Variants in ARHGAP42 observed in about 807,000 individuals in gnomAD.
ARHGAP42 encodes the protein Rho GTPase activating protein 42, also known as rho GTPase-activating protein 42.
A neutral mutation model predicts 125.0 loss-of-function variants in ARHGAP42; 63 were observed. The observed-to-expected ratio is 0.50, with a 90% CI of 0.41 to 0.62. ARHGAP42 has a LOEUF of 0.62. ARHGAP42 is among the 20% of genes least tolerant of loss of function. The probability of loss-of-function intolerance (pLI) is 0.00; values close to 1 mark genes in which losing one functional copy is unlikely to be tolerated. For missense variants in ARHGAP42, 766 were observed against 1,024.2 expected (o/e 0.75, Z 3.44); for synonymous variants, 339 against 351.0 (o/e 0.97, Z 0.38).
intron 4 of ARHGAP42, among the ~76,000 whole-genome samples, chr11:100,912,648 A>G (rs978718089): frequency 1.3e-5 from 2 of 152,178 alleles, no homozygotes; most frequent in South Asian, 2.1e-4. Flanking sequence ...AGAAGATTAT[A>G]TGCCCAGGAA....
intron 1 of ARHGAP42, among the ~76,000 whole-genome samples, chr11:100,726,630 A>T (rs1861866498): frequency 6.6e-6 from 1 of 152,234 alleles, no homozygotes; most frequent in Admixed American, 6.5e-5. Context: ...TGCAAAAGAA[A>T]GTCATGTTAT....
At chr11:100,817,681 C>T (rs1276083462) in intron 3 of ARHGAP42, among the ~76,000 whole-genome samples, 1 of 152,198 alleles carries the variant, frequency 6.6e-6, no homozygotes, top group Non-Finnish European at 1.5e-5. Context: ...TGAATGCTCT[C>T]ATTTAATCCT....
intron 1 of ARHGAP42, among the ~76,000 whole-genome samples, chr11:100,761,267 T>TAA (rs147519830): frequency 0.015 from 2,221 of 152,184 alleles, 31 homozygotes; most frequent in Non-Finnish European, 0.019. Context: ...AGTATTGAGG[T>TAA]AAAACATGGT....
chr11:100,960,090 T>G (rs755102756), intron 13 of ARHGAP42, 145 bp downstream of exon 13: 85 of 698,470 alleles, frequency 1.2e-4, no homozygotes, highest in East Asian at 3.4e-4. Flanking sequence ...TGTATCGGTA[T>G]ACAAATAGCT....
At chr11:100,746,688 G>A (rs992499621) in intron 1 of ARHGAP42, among the ~76,000 whole-genome samples, 3 of 152,324 alleles carry the variant, frequency 2.0e-5, no homozygotes, top group African/African-American at 4.8e-5. Context: ...AGGAGGTGGA[G>A]GAGGCAGAAC....
chr11:100,875,214 TTTTA>T (rs1865792923), intron 4 of ARHGAP42, among the ~76,000 whole-genome samples: 1 of 151,932 alleles, frequency 6.6e-6, no homozygotes, highest in Non-Finnish European at 1.5e-5. Context: ...CACTTTGATT[TTTTA>T]TTTATTTTAT....
intron 5 of ARHGAP42, among the ~76,000 whole-genome samples, chr11:100,921,169 G>A (rs1189765977): frequency 2.4e-5 from 3 of 124,282 alleles, no homozygotes; most frequent in Non-Finnish European, 4.9e-5. Context: ...ATGATCCAGT[G>A]ATTTTTCATT....
chr11:100,968,963 T>C (rs1488388934), intron 17 of ARHGAP42, among the ~76,000 whole-genome samples: 2 of 152,126 alleles, frequency 1.3e-5, no homozygotes, highest in Non-Finnish European at 2.9e-5. Flanking sequence ...TGTTTGTTTT[T>C]ACATGTGCAT....
chr11:100,968,443 G>A (rs957925926), intron 17 of ARHGAP42, among the ~76,000 whole-genome samples: 1 of 152,120 alleles, frequency 6.6e-6, no homozygotes, highest in Middle Eastern at 3.4e-3. Flanking sequence ...TTATCAGAAT[G>A]TACTTAACTT....
intron 2 of ARHGAP42, among the ~76,000 whole-genome samples, chr11:100,792,752 CTT>C (rs3063409): frequency 2.8e-5 from 4 of 141,546 alleles, no homozygotes; most frequent in African/African-American, 2.7e-5. Context: ...TTGGAATTTT[CTT>C]TTTTTTTTTT....
intron 2 of ARHGAP42, among the ~76,000 whole-genome samples, chr11:100,781,551 G>A (rs1591177167): frequency 1.3e-5 from 2 of 152,174 alleles, no homozygotes; most frequent in South Asian, 4.1e-4. Context: ...ACCAAGCACC[G>A]AGAATTTGTC....
rs1441351781 is a variant in ARHGAP42, at chr11:100,687,337, GTC to G, written c.-340_-339del. On this transcript the variant is annotated 5_prime_UTR_variant, in exon 1 of 24. Coordinates refer to ENST00000298815, the MANE Select transcript of ARHGAP42 (RefSeq NM_152432.4). ...GTTGGGGAGTGGAACTGCCGGAAGT[GTC>G]TGCGCGCCGTGAGAGAAACTTTCCT... is the stretch of plus-strand genomic sequence containing the variant. Among the ~76,000 whole-genome samples the G allele has an allele frequency of 1.3e-5, 2 of 152,106 alleles. No individual in the cohort carries two copies. The highest frequency in any genetic ancestry group is 4.8e-5 in the African/African-American group (2 of 41,442).
rs768411620 is a variant in ARHGAP42, at chr11:100,784,739, CT to C, written c.251-10365del. Among the ~76,000 whole-genome samples, 81 of 152,086 alleles carry C rather than the reference CT, an allele frequency of 5.3e-4. 1 individual carries two copies. The highest frequency in any genetic ancestry group is 4.2e-4 in the South Asian group (2 of 4,800). On this transcript the variant is annotated intron_variant, in intron 2 of 23. Coordinates refer to ENST00000298815, the MANE Select transcript of ARHGAP42 (RefSeq NM_152432.4). The stretch of plus-strand genomic sequence containing the variant: ...TTAAATTTAGGATGAATGGATGGTG[CT>C]GTGGGGTTATACCTACAGTAGTGAA...
intron 4 of ARHGAP42, among the ~76,000 whole-genome samples, chr11:100,903,615 T>G (rs1866623413): frequency 6.6e-6 from 1 of 150,508 alleles, no homozygotes; most frequent in South Asian, 2.1e-4. Flanking sequence ...ATTCCTTGTC[T>G]TCCCACAGCT....
At position 100,955,053 on chromosome 11, in the gene ARHGAP42, G is replaced by A. The variant is rs1204705992; in HGVS notation, c.1163-4830G>A. Reference sequence around the variant, plus strand: ...GTAAGGACATACTAGGTTTTGAATTGCTAGGAAATTGAAGGTGTAAGGACT... The same window carrying A: ...GTAAGGACATACTAGGTTTTGAATTACTAGGAAATTGAAGGTGTAAGGACT... On this transcript the variant is annotated intron_variant, in intron 12 of 23. Coordinates refer to ENST00000298815, the MANE Select transcript of ARHGAP42 (RefSeq NM_152432.4). Among the ~76,000 whole-genome samples, 9 of 152,182 alleles carry A rather than the reference G, an allele frequency of 5.9e-5. No homozygotes were observed. In the East Asian group the frequency reaches 1.4e-3, roughly 23 times the overall value.
At chr11:100,784,000 G>A (rs747926484) in intron 2 of ARHGAP42, among the ~76,000 whole-genome samples, 23 of 152,088 alleles carry the variant, frequency 1.5e-4, no homozygotes, top group Non-Finnish European at 2.5e-4. Context: ...AGTGCTTTAG[G>A]TACAGTAAGG....
At chr11:100,839,373 C>T (rs574188754) in intron 3 of ARHGAP42, 1 of 152,254 alleles carries the variant, frequency 6.6e-6, no homozygotes, top group African/African-American at 2.4e-5. Flanking sequence ...GAATGGCTAT[C>T]ACCATGGTAG....
At chr11:100,706,174 T>A (rs939925892) in intron 1 of ARHGAP42, among the ~76,000 whole-genome samples, 3 of 152,160 alleles carry the variant, frequency 2.0e-5, no homozygotes, top group Admixed American at 6.6e-5. Context: ...CCTTTCCTTA[T>A]CTGAGATTTT....
intron 4 of ARHGAP42, among the ~76,000 whole-genome samples, chr11:100,885,221 G>A (rs770005046): frequency 1.1e-4 from 17 of 152,192 alleles, no homozygotes; most frequent in Non-Finnish European, 8.8e-5. Context: ...ATGCCTGACA[G>A]GGTGTGGGAC....
Sources: allele counts gnomAD v4.1 joint callset (sites outside exome capture counted in the v4.1 genomes callset), GRCh38; gene constraint gnomAD v4.1.1; transcripts MANE v1.5; gene names NCBI Gene and HGNC (gene_info 2026-07-23, HGNC 2026-07-21).